The following FBN2 variants were observed in gnomAD, a reference collection of about 807,000 sequenced individuals.
The protein encoded by FBN2 is fibrillin 2.
Under a neutral mutation model 355.6 loss-of-function variants are expected in FBN2, and 105 were observed. The ratio of observed to expected loss-of-function variants is 0.30; its 90% CI spans 0.25 to 0.35. The LOEUF is 0.35. FBN2 is among the 10% of genes least tolerant of loss of function. FBN2 has a pLI of 1.00. For synonymous variants in FBN2, 1,350 were observed against 1,301.2 expected (o/e 1.04, Z -0.81); for missense variants, 3,280 against 3,758.7 (o/e 0.87, Z 3.33).
At chr5:128,333,255 C>A (rs1750740881) in intron 31 of FBN2, among the ~76,000 whole-genome samples, 1 of 152,136 alleles carries the variant, frequency 6.6e-6, no homozygotes, top group African/African-American at 2.4e-5. Flanking sequence ...CAACTGTCAG[C>A]CACTTTCCAG....
intron 58 of FBN2, among the ~76,000 whole-genome samples, chr5:128,277,539 T>TTAAAATA (rs1465486327): frequency 6.6e-6 from 1 of 152,176 alleles, no homozygotes; most frequent in East Asian, 1.9e-4. Flanking sequence ...AAATTTTAAA[T>TTAAAATA]TAAAATATAA....
At chr5:128,326,247 G>T (rs185803629) in intron 34 of FBN2, among the ~76,000 whole-genome samples, 75 of 152,196 alleles carry the variant, frequency 4.9e-4, no homozygotes, top group African/African-American at 1.8e-3. Flanking sequence ...AGCTGGTTTC[G>T]GTTTCATTAA....
intron 9 of FBN2, 104 bp downstream of exon 9, chr5:128,395,018 T>A: frequency 7.6e-7 from 1 of 1,317,090 alleles, no homozygotes; most frequent in Non-Finnish European, 1.1e-6. Context: ...ACTTCTGGAC[T>A]CAAGCAATCC....
chr5:128,330,470 T>C, intron 33 of FBN2, 103 bp downstream of exon 33: 1 of 1,178,910 alleles, frequency 8.5e-7, no homozygotes, highest in Non-Finnish European at 1.3e-6. Flanking sequence ...AAAAAAGAGG[T>C]AGTTACTTTT....
At chr5:128,505,761 ATAATT>A (rs1755940929) in intron 5 of FBN2, among the ~76,000 whole-genome samples, 1 of 152,216 alleles carries the variant, frequency 6.6e-6, no homozygotes, top group African/African-American at 2.4e-5. Context: ...CTCAGCCTAA[ATAATT>A]TAAGGTTCAT....
chr5:128,495,230 T>A (rs1318540981), intron 5 of FBN2, among the ~76,000 whole-genome samples: 1 of 151,860 alleles, frequency 6.6e-6, no homozygotes, highest in Non-Finnish European at 1.5e-5. Flanking sequence ...TGGTGATAGA[T>A]CTATAGAGAG....
Position 128,537,816 on chromosome 5 carries a change from C to T in FBN2, c.-213G>A, listed in dbSNP as rs994403924. 3.3e-6 allele frequency: 2 copies of T among 607,992 alleles called. No individual in the cohort carries two copies. Among genetic ancestry groups the T allele is most frequent in the Admixed American group, 2.9e-5 (1 of 34,138 alleles). The allele number at this position is 607,992 out of a possible 1,614,324, so 37.7% of individuals were successfully genotyped here. A position where few individuals can be genotyped will look rare whatever the true frequency, so the allele number is the denominator to read the frequency against. Reference sequence around the variant, plus strand: ...GCGAGACGCGGGGCGCCGGGTCTAGCGCAGTGAGCGGCGAGGCGCGGCGGA... The same window carrying T: ...GCGAGACGCGGGGCGCCGGGTCTAGTGCAGTGAGCGGCGAGGCGCGGCGGA... On this transcript the variant is annotated 5_prime_UTR_variant, in exon 1 of 65. Coordinates refer to ENST00000262464, the MANE Select transcript of FBN2 (RefSeq NM_001999.4).
At chr5:128,363,952 A>G (rs938108508) in intron 18 of FBN2, among the ~76,000 whole-genome samples, 3 of 152,248 alleles carry the variant, frequency 2.0e-5, no homozygotes, top group African/African-American at 7.2e-5. Flanking sequence ...TTGGTTGTAA[A>G]AGCCATAAGT....
At position 128,518,577 on chromosome 5, in the gene FBN2, T is replaced by C. The variant is rs1756349240; in HGVS notation, c.628+696A>G. Among the ~76,000 whole-genome samples the C allele has an allele frequency of 2.0e-5, 3 of 152,140 alleles. No homozygotes were observed. In the South Asian group the frequency reaches 6.2e-4, roughly 32 times the overall value. Reference sequence around the variant, plus strand: ...ACCACCACCACCCCCCACTTTGCCATGAACTATTTTAAAAACTCAAGCTTA... The same window carrying C: ...ACCACCACCACCCCCCACTTTGCCACGAACTATTTTAAAAACTCAAGCTTA... On this transcript the variant is annotated intron_variant, in intron 5 of 64. Coordinates refer to ENST00000262464, the MANE Select transcript of FBN2 (RefSeq NM_001999.4).
chr5:128,536,686 TA>T (rs1268301734), intron 1 of FBN2, among the ~76,000 whole-genome samples: 3 of 152,282 alleles, frequency 2.0e-5, no homozygotes, highest in Admixed American at 6.5e-5. Context: ...CAGAAATGTC[TA>T]AACACTGCCT....
At chr5:128,524,763 C>G (rs975557546) in intron 4 of FBN2, among the ~76,000 whole-genome samples, 2 of 152,104 alleles carry the variant, frequency 1.3e-5, no homozygotes, top group African/African-American at 4.8e-5. Context: ...TTCTTACTTG[C>G]TGACAAATAA....
intron 5 of FBN2, among the ~76,000 whole-genome samples, chr5:128,504,213 G>T (rs1228735580): frequency 6.6e-6 from 1 of 152,184 alleles, no homozygotes; most frequent in Non-Finnish European, 1.5e-5. Context: ...TGCACGGGTG[G>T]AGCCCTAATG....
intron 5 of FBN2, among the ~76,000 whole-genome samples, chr5:128,469,301 G>A (rs1269498359): frequency 6.6e-6 from 1 of 152,118 alleles, no homozygotes; most frequent in Admixed American, 6.5e-5. Flanking sequence ...GAGGAGATTG[G>A]TGAAGGATGA....
At chr5:128,330,496 A>T in intron 33 of FBN2, 77 bp downstream of exon 33, 1 of 1,504,836 alleles carries the variant, frequency 6.6e-7, no homozygotes, top group Non-Finnish European at 9.2e-7. Flanking sequence ...CTTTAATTAT[A>T]ATTTTCTTCA....
At chr5:128,442,920 G>C (rs998291110) in intron 7 of FBN2, among the ~76,000 whole-genome samples, 3 of 152,174 alleles carry the variant, frequency 2.0e-5, no homozygotes, top group Non-Finnish European at 4.4e-5. Context: ...CTCCATGATA[G>C]ATAGTGACAG....
At chr5:128,434,989 C>A (rs1198243896) in intron 7 of FBN2, among the ~76,000 whole-genome samples, 2 of 152,070 alleles carry the variant, frequency 1.3e-5, no homozygotes, top group Non-Finnish European at 2.9e-5. Flanking sequence ...TTGCAAGAAT[C>A]ATGTGAATTA....
At chr5:128,309,814 A>G (rs1200732787) in intron 40 of FBN2, among the ~76,000 whole-genome samples, 169 bp downstream of exon 40, 2 of 152,236 alleles carry the variant, frequency 1.3e-5, no homozygotes, top group Admixed American at 1.3e-4. Context: ...TTAAATGTAT[A>G]CCCAAAGGTC....
intron 17 of FBN2, among the ~76,000 whole-genome samples, chr5:128,365,766 G>A (rs912336272): frequency 1.3e-5 from 2 of 150,832 alleles, no homozygotes; most frequent in South Asian, 2.1e-4. Context: ...GAATCTATAT[G>A]TATATTAAAA....
At chr5:128,510,883 G>A (rs536113607) in intron 5 of FBN2, among the ~76,000 whole-genome samples, 1 of 152,248 alleles carries the variant, frequency 6.6e-6, no homozygotes, top group South Asian at 2.1e-4. Flanking sequence ...TTGAGGCTAA[G>A]TATATGGGTT....
Sources: gnomAD v4.1 joint callset for allele counts (sites outside exome capture counted in the v4.1 genomes callset) on GRCh38, gnomAD v4.1.1 for gene constraint, MANE v1.5 for transcripts, NCBI Gene and HGNC (gene_info 2026-07-23, HGNC 2026-07-21) for gene names.